PLCL2: variants seen among roughly 807,000 people sequenced by gnomAD.
The protein encoded by PLCL2 is phospholipase C like 2, also known as inactive phospholipase C-like protein 2.
A neutral mutation model predicts 79.6 loss-of-function variants in PLCL2; 4 were observed. The ratio of observed to expected loss-of-function variants is 0.05; its 90% CI spans 0.02 to 0.11. The LOEUF is 0.11. PLCL2 is among the 10% of genes least tolerant of loss of function. The pLI, the probability that PLCL2 is intolerant of heterozygous loss-of-function variation, is 1.00. For missense variants in PLCL2, 895 were observed against 1,291.0 expected, an observed-to-expected ratio of 0.69 and a Z score of 4.70; for synonymous variants, 484 against 457.7, an observed-to-expected ratio of 1.06 and a Z score of -0.73.
chr3:16,929,161 A>C (rs1304180988), intron 1 of PLCL2, among the ~76,000 whole-genome samples: 3 of 151,804 alleles, frequency 2.0e-5, no homozygotes, highest in African/African-American at 7.3e-5. Context: ...CACAGGAGTG[A>C]GAGACAACTA....
intron 3 of PLCL2, among the ~76,000 whole-genome samples, chr3:17,029,734 C>G (rs2064561046): frequency 1.3e-5 from 2 of 152,118 alleles, no homozygotes; most frequent in Admixed American, 6.5e-5. Context: ...TCTCCAACAC[C>G]TACTGACCCT....
At chr3:16,897,131 G>C (rs1696501854) in intron 1 of PLCL2, among the ~76,000 whole-genome samples, 1 of 152,094 alleles carries the variant, frequency 6.6e-6, no homozygotes, top group Non-Finnish European at 1.5e-5. Flanking sequence ...TGCCGCGGTG[G>C]AGTTTTTCTT....
chr3:16,933,152 T>G (rs1175065255), intron 1 of PLCL2: 2 of 154,760 alleles, frequency 1.3e-5, no homozygotes, highest in Non-Finnish European at 2.9e-5. Flanking sequence ...CTCAGGAAAT[T>G]TGAGTGAAGG....
chr3:16,975,166 G>T (rs867120898), intron 1 of PLCL2, among the ~76,000 whole-genome samples: 13 of 152,164 alleles, frequency 8.5e-5, no homozygotes, highest in Non-Finnish European at 7.3e-5. Flanking sequence ...TTCTTCCCTT[G>T]AGCTTCAGAT....
chr3:16,910,527 T>C (rs1439230989), intron 1 of PLCL2, among the ~76,000 whole-genome samples: 1 of 152,106 alleles, frequency 6.6e-6, no homozygotes, highest in Non-Finnish European at 1.5e-5. Flanking sequence ...TTCTGTTTGC[T>C]TCTCTTCTGT....
intron 1 of PLCL2, among the ~76,000 whole-genome samples, chr3:16,901,875 T>A (rs1237597382): frequency 2.0e-5 from 3 of 152,152 alleles, no homozygotes; most frequent in Non-Finnish European, 4.4e-5. Context: ...CATTCACCCC[T>A]CCACCCTGCC....
chr3:17,020,078 C>CT (rs1399157501), intron 3 of PLCL2, among the ~76,000 whole-genome samples: 1 of 152,110 alleles, frequency 6.6e-6, no homozygotes, highest in Non-Finnish European at 1.5e-5. Context: ...TTTTACTATT[C>CT]TTTTTATGTT....
At chr3:17,031,430 G>T (rs1365199470) in intron 3 of PLCL2, among the ~76,000 whole-genome samples, 1 of 152,102 alleles carries the variant, frequency 6.6e-6, no homozygotes, top group Admixed American at 6.6e-5. Context: ...CTCCTTTCAT[G>T]TCTGCAGAGA....
intron 1 of PLCL2, among the ~76,000 whole-genome samples, chr3:16,912,976 T>G (rs1696916910): frequency 1.3e-5 from 2 of 152,196 alleles, no homozygotes; most frequent in African/African-American, 4.8e-5. Context: ...TTAACCTCCC[T>G]TCCTTCTGTT....
intron 1 of PLCL2, among the ~76,000 whole-genome samples, chr3:16,922,587 A>G (rs933944290): frequency 6.6e-6 from 1 of 152,210 alleles, no homozygotes; most frequent in African/African-American, 2.4e-5. Context: ...TAGAAACAAT[A>G]TTAGGTGCTG....
At chr3:16,986,848 C>A (rs1238496762) in intron 1 of PLCL2, among the ~76,000 whole-genome samples, 1 of 152,034 alleles carries the variant, frequency 6.6e-6, no homozygotes, top group Non-Finnish European at 1.5e-5. Flanking sequence ...CTGACGATAG[C>A]CCGTCAAGTG....
intron 1 of PLCL2, among the ~76,000 whole-genome samples, chr3:17,006,736 A>AT (rs1375654368): frequency 7.2e-5 from 11 of 152,318 alleles, no homozygotes; most frequent in African/African-American, 2.4e-4. Context: ...AGAAGTCTCC[A>AT]TTCAAAGCCT....
At chr3:16,949,464 A>G (rs1387591750) in intron 1 of PLCL2, among the ~76,000 whole-genome samples, 1 of 152,060 alleles carries the variant, frequency 6.6e-6, no homozygotes, top group Non-Finnish European at 1.5e-5. Flanking sequence ...CCATTTTTAA[A>G]TATTTGTTTA....
intron 3 of PLCL2, among the ~76,000 whole-genome samples, chr3:17,041,906 T>C (rs2124919649): frequency 6.6e-6 from 1 of 151,938 alleles, no homozygotes; most frequent in East Asian, 1.9e-4. Flanking sequence ...ATTGCACCAC[T>C]GCACTCCAGC....
intron 4 of PLCL2, among the ~76,000 whole-genome samples, chr3:17,048,181 C>T (rs1354376399): frequency 1.3e-5 from 2 of 151,690 alleles, no homozygotes; most frequent in Non-Finnish European, 2.9e-5. Context: ...TTGGTTCATG[C>T]ACATCATCTT....
chr3:16,970,127 T>A (rs1436149546), intron 1 of PLCL2, among the ~76,000 whole-genome samples: 3 of 151,628 alleles, frequency 2.0e-5, no homozygotes, highest in Non-Finnish European at 2.9e-5. Context: ...TAGTTACATA[T>A]GTATACATGT....
In PLCL2 at chr3:17,009,957, G is replaced by T; in HGVS notation, c.611G>T (p.Arg204Leu). ...ACAGGAAAAAACACAGACATATTCC[G>T]CAGCAATGGCATTTCTGACCAGATA... is the stretch of plus-strand genomic sequence containing the variant. ...VRTGKNTDIF[R>L]SNGISDQISE... The change falls in exon 2 of 6, where the codon CGC becomes CTC. Residue 204 changes from arginine to leucine, a missense_variant. By Grantham distance (102) the Arg-to-Leu change is moderately radical (BLOSUM62 -2). Transcript: ENST00000615277. This position sits in a 1 kb window ranked among gnomAD's most constrained non-coding sequence, Gnocchi z 4.0. The T allele has an allele frequency of 6.2e-7, 1 of 1,614,012 alleles. No individual in the cohort carries two copies. Among genetic ancestry groups the T allele is most frequent in the Non-Finnish European group, 8.5e-7 (1 of 1,179,962 alleles).
At chr3:17,028,239 G>A (rs1005815417) in intron 3 of PLCL2, among the ~76,000 whole-genome samples, 1 of 152,140 alleles carries the variant, frequency 6.6e-6, no homozygotes, top group African/African-American at 2.4e-5. Context: ...AGGCGAGGAG[G>A]AGGACTTTCT....
intron 1 of PLCL2, among the ~76,000 whole-genome samples, chr3:16,965,537 G>T (rs2063798453): frequency 6.6e-6 from 1 of 151,788 alleles, no homozygotes; most frequent in African/African-American, 2.4e-5. Context: ...CTTTAAAGTA[G>T]TTTTTTCCAA....
Sources: allele counts gnomAD v4.1 joint callset (sites outside exome capture counted in the v4.1 genomes callset), GRCh38; gene constraint gnomAD v4.1.1; non-coding constraint Gnocchi (gnomAD v3.1); transcripts MANE v1.5; gene names NCBI Gene and HGNC (gene_info 2026-07-23, HGNC 2026-07-21).